The following SPAG16 variants were observed in gnomAD, a reference collection of about 807,000 sequenced individuals.
The protein encoded by SPAG16 is sperm associated antigen 16.
A neutral mutation model predicts 80.4 loss-of-function variants in SPAG16; 86 were observed. The ratio of observed to expected loss-of-function variants is 1.07; its 90% CI spans 0.90 to 1.28. SPAG16 has a LOEUF of 1.28. Ranked by LOEUF, SPAG16 falls within the 50% of genes most tolerant of loss-of-function variation. The probability of loss-of-function intolerance (pLI) is 0.00; values close to 1 mark genes in which losing one functional copy is unlikely to be tolerated. For synonymous variants in SPAG16, 294 were observed against 265.9 expected (o/e 1.11, Z -1.03); for missense variants, 870 against 765.3 (o/e 1.14, Z -1.61).
intron 4 of SPAG16, 66 bp from the exon 5 acceptor site, chr2:213,317,153 G>A (rs1339123779): frequency 2.0e-6 from 2 of 1,008,296 alleles, no homozygotes; most frequent in East Asian, 2.4e-5. Context: ...TTTTTGAATT[G>A]TACATAAATT....
chr2:214,151,006 G>C (rs1020873378), intron 15 of SPAG16, among the ~76,000 whole-genome samples: 1 of 151,956 alleles, frequency 6.6e-6, no homozygotes, highest in Non-Finnish European at 1.5e-5. Flanking sequence ...AAACATCAAA[G>C]ACAACACGTA....
At chr2:214,144,236 T>C (rs2055515100) in intron 14 of SPAG16, among the ~76,000 whole-genome samples, 1 of 152,156 alleles carries the variant, frequency 6.6e-6, no homozygotes, top group Non-Finnish European at 1.5e-5. Context: ...ATTTGAATAA[T>C]ATATAACTGT....
chr2:213,807,994 A>G (rs556227059), intron 10 of SPAG16, among the ~76,000 whole-genome samples: 1 of 152,316 alleles, frequency 6.6e-6, no homozygotes, highest in South Asian at 2.1e-4. Context: ...TGAAAACAAG[A>G]TGCAATACAG....
chr2:214,301,410 A>G (rs567230348), intron 15 of SPAG16, among the ~76,000 whole-genome samples: 1 of 152,068 alleles, frequency 6.6e-6, no homozygotes, highest in East Asian at 1.9e-4. Context: ...ATAGAACAAG[A>G]TGGGGAATAT....
intron 14 of SPAG16, among the ~76,000 whole-genome samples, chr2:214,127,189 A>C (rs2054537763): frequency 6.6e-6 from 1 of 151,654 alleles, no homozygotes; most frequent in African/African-American, 2.4e-5. Flanking sequence ...TATCTTGGAG[A>C]ATATAAAAGG....
chr2:213,544,278 T>A (rs1436053551), intron 10 of SPAG16, among the ~76,000 whole-genome samples: 2 of 152,134 alleles, frequency 1.3e-5, no homozygotes, highest in Non-Finnish European at 2.9e-5. Flanking sequence ...TCTTTCTTCA[T>A]AATATTCCTG....
chr2:214,130,499 G>C (rs1293023514), intron 14 of SPAG16, among the ~76,000 whole-genome samples: 2 of 152,154 alleles, frequency 1.3e-5, no homozygotes, highest in African/African-American at 4.8e-5. Flanking sequence ...GACATACAGA[G>C]TGATGCCAAA....
At chr2:213,595,395 A>T (rs1444248858) in intron 10 of SPAG16, among the ~76,000 whole-genome samples, 2 of 152,170 alleles carry the variant, frequency 1.3e-5, no homozygotes, top group Non-Finnish European at 2.9e-5. Context: ...AGCTGGAAAA[A>T]GTTAGACAAA....
At chr2:214,213,132 G>A (rs189261962) in intron 15 of SPAG16, among the ~76,000 whole-genome samples, 2 of 152,262 alleles carry the variant, frequency 1.3e-5, no homozygotes, top group East Asian at 1.9e-4. Context: ...TCATTCCAGA[G>A]TTGTGAAGGG....
chr2:213,298,280 GCTT>G (rs1575113358), intron 3 of SPAG16, among the ~76,000 whole-genome samples: 1 of 152,196 alleles, frequency 6.6e-6, no homozygotes, highest in South Asian at 2.1e-4. Flanking sequence ...CATGGACATA[GCTT>G]CTTCTTGGTA....
intron 10 of SPAG16, among the ~76,000 whole-genome samples, chr2:213,607,786 T>G (rs995257871): frequency 4.6e-5 from 7 of 152,218 alleles, no homozygotes; most frequent in Admixed American, 1.3e-4. Flanking sequence ...TTATTTTTCC[T>G]GCAGATTGCA....
chr2:213,742,409 C>T (rs551237632), intron 10 of SPAG16, among the ~76,000 whole-genome samples: 2 of 152,222 alleles, frequency 1.3e-5, no homozygotes, highest in East Asian at 3.9e-4. Context: ...ACTAACAAGA[C>T]ATTATCTTAT....
rs76800628 is a variant in SPAG16, at chr2:214,334,793, T to C, written c.1721-75347T>C. On this transcript the variant is annotated intron_variant, in intron 15 of 15. Coordinates refer to ENST00000331683, the MANE Select transcript of SPAG16 (RefSeq NM_024532.5). ...GTCACCACTGATAACATTTTAACAA[T>C]TGCAAAGCTTCAACATGTCAAGAGC... is the stretch of plus-strand genomic sequence containing the variant. 4.1e-4 allele frequency among the ~76,000 whole-genome samples: 62 copies of C among 152,328 alleles called. 1 individual carries two copies. In the East Asian group the frequency reaches 6.6e-3, roughly 16 times the overall value.
At position 213,607,131 on chromosome 2, in the gene SPAG16, A is replaced by G. The variant is rs148524817; in HGVS notation, c.1070+117041A>G. On this transcript the variant is annotated intron_variant, in intron 10 of 15. Coordinates refer to ENST00000331683, the MANE Select transcript of SPAG16 (RefSeq NM_024532.5). ...TCAGTTTCGTTTTGATTTAATAGCAAATAGTAATCAGCCATGAAAGTTCTC... is the reference window on the plus strand; with the variant it reads ...TCAGTTTCGTTTTGATTTAATAGCAGATAGTAATCAGCCATGAAAGTTCTC... Among the ~76,000 whole-genome samples the G allele has an allele frequency of 8.5e-5, 13 of 152,334 alleles. No individual in the cohort carries two copies. The East Asian group carries it at 2.3e-3, about 27-fold the overall frequency.
At chr2:213,398,493 A>T (rs946488927) in intron 9 of SPAG16, among the ~76,000 whole-genome samples, 11 of 152,194 alleles carry the variant, frequency 7.2e-5, no homozygotes, top group African/African-American at 2.7e-4. Flanking sequence ...CTACTTATTT[A>T]TAGAACACTG....
intron 10 of SPAG16, among the ~76,000 whole-genome samples, chr2:213,491,196 A>G (rs997599437): frequency 6.6e-6 from 1 of 152,196 alleles, no homozygotes; most frequent in African/African-American, 2.4e-5. Context: ...TTAGTGTTCT[A>G]TTTCAATGTA....
chr2:213,370,490 G>T (rs1435063091), intron 8 of SPAG16, among the ~76,000 whole-genome samples: 3 of 152,154 alleles, frequency 2.0e-5, no homozygotes, highest in African/African-American at 4.8e-5. Context: ...AATGTAATCA[G>T]ATATAAATAT....
chr2:214,059,681 G>A (rs1267052370), intron 13 of SPAG16, among the ~76,000 whole-genome samples: 1 of 151,530 alleles, frequency 6.6e-6, no homozygotes, highest in Non-Finnish European at 1.5e-5. Context: ...TAATTTATTG[G>A]GAACTATCAC....
chr2:214,335,587 G>A (rs1367828995), intron 15 of SPAG16, among the ~76,000 whole-genome samples: 1 of 151,686 alleles, frequency 6.6e-6, no homozygotes, highest in Non-Finnish European at 1.5e-5. Flanking sequence ...GTGTATTTAA[G>A]TTCCAGCTAT....
Sources: allele counts gnomAD v4.1 joint callset (sites outside exome capture counted in the v4.1 genomes callset), GRCh38; gene constraint gnomAD v4.1.1; transcripts MANE v1.5; gene names NCBI Gene and HGNC (gene_info 2026-07-23, HGNC 2026-07-21).